DLGAP2: variants seen among roughly 807,000 people sequenced by gnomAD.
DLGAP2 encodes the protein DLG associated protein 2.
A neutral mutation model predicts 100.3 loss-of-function variants in DLGAP2; 26 were observed. The ratio of observed to expected loss-of-function variants is 0.26; its 90% CI spans 0.19 to 0.36. The LOEUF (loss-of-function observed/expected upper bound fraction) is 0.36. Among genes scored for constraint, DLGAP2 ranks in the 10% least tolerant of loss-of-function variants. The pLI, the probability that DLGAP2 is intolerant of heterozygous loss-of-function variation, is 1.00. For missense variants in DLGAP2, 1,858 were observed against 1,453.2 expected (o/e 1.28, Z -4.53); for synonymous variants, 886 against 630.1 (o/e 1.41, Z -6.08).
intron 2 of DLGAP2, among the ~76,000 whole-genome samples, chr8:909,155 G>A (rs374201042): frequency 1.4e-4 from 22 of 152,184 alleles, no homozygotes; most frequent in Admixed American, 3.9e-4. Flanking sequence ...TCTCAGCTAC[G>A]AGTTTGAGCA....
In DLGAP2 at chr8:875,125, T is replaced by C. The variant is rs144576758; in HGVS notation, c.19-32787T>C. 1.3e-3 allele frequency among the ~76,000 whole-genome samples: 202 copies of C among 152,338 alleles called. 2 individuals are homozygous for C. The highest frequency in any genetic ancestry group is 4.7e-3 in the African/African-American group (194 of 41,584). ...TTTCTATCCTTTTACTTTCAATCTATTTGTATCTTTTAATCTTTAAAGTGT... is the reference window on the plus strand; with the variant it reads ...TTTCTATCCTTTTACTTTCAATCTACTTGTATCTTTTAATCTTTAAAGTGT... On this transcript the variant is annotated intron_variant, in intron 1 of 14. Transcript: ENST00000637795.
chr8:1,352,781 C>G lies in DLGAP2; in HGVS notation c.106+93898C>G, dbSNP rs184473267. Among the ~76,000 whole-genome samples, 458 of 152,250 alleles carry G rather than the reference C, an allele frequency of 3.0e-3. 4 individuals carry two copies. Among genetic ancestry groups the G allele is most frequent in the Non-Finnish European group, 3.9e-3 (263 of 68,026 alleles). ...CTTTCTGAGGTTGGTACTTTTCCAG[C>G]CTTGGATGCCACTCCCCAGCCCCTA... is the stretch of plus-strand genomic sequence containing the variant. On this transcript the variant is annotated intron_variant, in intron 3 of 14. Coordinates refer to ENST00000637795, the MANE Select transcript of DLGAP2 (RefSeq NM_001346810.2).
rs1563164952 is a variant in DLGAP2 at position 1,464,354 on chromosome 8, C to CTTCCAGGACAGCTCCT, written c.107-37002_107-37001insGCTCCTTTCCAGGACA. On this transcript the variant is annotated intron_variant, in intron 3 of 14. Transcript: ENST00000637795. ...GACGGCACCCTTCCAGGACGGCACC[C>CTTCCAGGACAGCTCCT]TTCCAGGACAACGCCCTTCCAGGAT... Among the ~76,000 whole-genome samples, 14 of 144,630 alleles carry CTTCCAGGACAGCTCCT rather than the reference C, an allele frequency of 9.7e-5. 4 individuals carry two copies. The highest frequency in any genetic ancestry group is 3.6e-3 in the Middle Eastern group (1 of 276). The allele number at this position is 144,630 out of a possible 152,430, so 94.9% of individuals were successfully genotyped here. A position where few individuals can be genotyped will look rare whatever the true frequency, so the allele number is the denominator to read the frequency against.
chr8:1,358,053 G>C (rs148080786), intron 3 of DLGAP2, among the ~76,000 whole-genome samples: 2 of 152,180 alleles, frequency 1.3e-5, no homozygotes, highest in African/African-American at 4.8e-5. Flanking sequence ...AGGTGCTCCA[G>C]GAGTGGGGGC....
intron 1 of DLGAP2, among the ~76,000 whole-genome samples, chr8:786,355 G>C (rs1363931429): frequency 6.6e-6 from 1 of 152,170 alleles, no homozygotes; most frequent in Non-Finnish European, 1.5e-5. Context: ...CGAGACACTG[G>C]CGTGGTGCTT....
chr8:1,208,516 A>C (rs1005008005), intron 2 of DLGAP2, among the ~76,000 whole-genome samples: 2 of 152,190 alleles, frequency 1.3e-5, no homozygotes, highest in African/African-American at 4.8e-5. Context: ...CTAACAGCCA[A>C]CATTATACTG....
chr8:1,615,710 T>A (rs1221221093), intron 6 of DLGAP2, among the ~76,000 whole-genome samples: 1 of 151,626 alleles, frequency 6.6e-6, no homozygotes, highest in East Asian at 1.9e-4. Flanking sequence ...CATTGTAAGG[T>A]CTTATGAATG....
intron 2 of DLGAP2, among the ~76,000 whole-genome samples, chr8:1,116,645 A>AT (rs1369922839): frequency 6.6e-6 from 1 of 152,124 alleles, no homozygotes; most frequent in Non-Finnish European, 1.5e-5. Flanking sequence ...AAAAATAAAA[A>AT]CAGTTAGCCA....
At chr8:1,305,407 A>G (rs1800467005) in intron 3 of DLGAP2, among the ~76,000 whole-genome samples, 1 of 152,178 alleles carries the variant, frequency 6.6e-6, no homozygotes, top group African/African-American at 2.4e-5. Context: ...TTTGGCTTAA[A>G]AGAAATTAGT....
intron 1 of DLGAP2, chr8:822,259 T>TG: frequency 5.0e-6 from 2 of 399,442 alleles, no homozygotes; most frequent in Non-Finnish European, 8.8e-6. Flanking sequence ...CAGCATTTGC[T>TG]TACTTCCTGC....
chr8:1,194,861 G>T (rs1017330814), intron 2 of DLGAP2, among the ~76,000 whole-genome samples: 4 of 152,226 alleles, frequency 2.6e-5, no homozygotes, highest in Non-Finnish European at 4.4e-5. Context: ...CTCAGTCTCA[G>T]ACTCTAGGGC....
At chr8:1,161,596 A>G (rs1281699028) in intron 2 of DLGAP2, among the ~76,000 whole-genome samples, 1 of 152,184 alleles carries the variant, frequency 6.6e-6, no homozygotes, top group Non-Finnish European at 1.5e-5. Flanking sequence ...GCTCCACAGA[A>G]TGAGCTGATG....
intron 3 of DLGAP2, among the ~76,000 whole-genome samples, chr8:1,440,354 A>G (rs556369460): frequency 5.3e-5 from 8 of 152,196 alleles, no homozygotes; most frequent in Non-Finnish European, 1.2e-4. Flanking sequence ...TATTTTATAC[A>G]TTGAATTTTG....
chr8:978,279 C>G (rs868027566), intron 2 of DLGAP2, among the ~76,000 whole-genome samples: 9 of 20,170 alleles, frequency 4.5e-4, no homozygotes, highest in Non-Finnish European at 5.8e-4. Flanking sequence ...CAGTGAGGGG[C>G]TGGGTTCTGG....
At chr8:1,110,383 G>C (rs1342278211) in intron 2 of DLGAP2, among the ~76,000 whole-genome samples, 5 of 145,238 alleles carry the variant, frequency 3.4e-5, no homozygotes, top group African/African-American at 1.3e-4. Flanking sequence ...TGTGCTTATG[G>C]AGTATGCTGG....
chr8:894,179 G>T (rs1798093531), intron 1 of DLGAP2, among the ~76,000 whole-genome samples: 1 of 152,202 alleles, frequency 6.6e-6, no homozygotes, highest in Admixed American at 6.5e-5. Flanking sequence ...GCCCTTGGGT[G>T]GGAGACGCCC....
chr8:1,051,248 C>T (rs753357272), intron 2 of DLGAP2, among the ~76,000 whole-genome samples: 2 of 152,096 alleles, frequency 1.3e-5, no homozygotes, highest in African/African-American at 4.8e-5. Context: ...TCTCCAGAGG[C>T]CTCATTGAAG....
intron 1 of DLGAP2, among the ~76,000 whole-genome samples, chr8:840,717 A>C (rs907656847): frequency 1.4e-5 from 2 of 144,780 alleles, no homozygotes; most frequent in African/African-American, 5.2e-5. Context: ...GGATTCTGTG[A>C]GTGCATTTAC....
chr8:927,568 C>G (rs1434455502), intron 2 of DLGAP2, among the ~76,000 whole-genome samples: 1 of 152,164 alleles, frequency 6.6e-6, no homozygotes, highest in Admixed American at 6.5e-5. Flanking sequence ...GCCTCAGTGT[C>G]CTCATAGATC....
Sources: gnomAD v4.1 joint callset for allele counts (sites outside exome capture counted in the v4.1 genomes callset) on GRCh38, gnomAD v4.1.1 for gene constraint, MANE v1.5 for transcripts, NCBI Gene and HGNC (gene_info 2026-07-23, HGNC 2026-07-21) for gene names.